Variants in WWOX observed in about 807,000 individuals in gnomAD.
WWOX encodes WW domain containing oxidoreductase, also known as WW domain-containing oxidoreductase.
In WWOX, 69 loss-of-function variants were observed where a neutral mutation model predicts 46.2. That is an observed-to-expected ratio of 1.49 (90% confidence interval 1.23 to 1.82). WWOX has a LOEUF of 1.82. WWOX is among the 40% of genes most tolerant of loss of function. WWOX has a pLI of 0.00. For missense variants in WWOX, 919 were observed against 542.6 expected (o/e 1.69, Z -6.89); for synonymous variants, 359 against 202.6 (o/e 1.77, Z -6.56).
intron 8 of WWOX, among the ~76,000 whole-genome samples, chr16:78,951,344 CA>C (rs11318852): frequency 0.99 from 150,016 of 152,252 alleles, 73,949 homozygotes; most frequent in East Asian, 1. Flanking sequence ...CCTATAGCTT[CA>C]AGCAAGAGTC....
intron 5 of WWOX, among the ~76,000 whole-genome samples, chr16:78,235,010 G>C (rs932196133): frequency 1.3e-5 from 2 of 151,604 alleles, no homozygotes; most frequent in Non-Finnish European, 2.9e-5. Context: ...GTAAAGAGGT[G>C]GGGGAGAGGA....
intron 8 of WWOX, among the ~76,000 whole-genome samples, chr16:79,015,943 A>G (rs149969129): frequency 9.2e-5 from 14 of 151,970 alleles, no homozygotes; most frequent in Non-Finnish European, 1.3e-4. Context: ...TAGAGACAGG[A>G]TTTCGCCATG....
chr16:78,859,893 G>C (rs1477520357), intron 8 of WWOX, among the ~76,000 whole-genome samples: 1 of 152,074 alleles, frequency 6.6e-6, no homozygotes, highest in Non-Finnish European at 1.5e-5. Flanking sequence ...TTATAAACAG[G>C]TGGTTTCCAA....
chr16:78,418,975 G>T (rs2082863102), intron 6 of WWOX, among the ~76,000 whole-genome samples: 1 of 151,338 alleles, frequency 6.6e-6, no homozygotes, highest in African/African-American at 2.4e-5. Context: ...CAAAAGAATG[G>T]AAAAAAAAGA....
At chr16:78,809,840 G>T (rs1200860796) in intron 8 of WWOX, among the ~76,000 whole-genome samples, 3 of 152,104 alleles carry the variant, frequency 2.0e-5, no homozygotes, top group Non-Finnish European at 4.4e-5. Context: ...GTTCCCAGGG[G>T]ATGATGACCC....
chr16:78,943,005 C>T (rs945153405), intron 8 of WWOX, among the ~76,000 whole-genome samples: 2 of 152,172 alleles, frequency 1.3e-5, no homozygotes, highest in African/African-American at 4.8e-5. Flanking sequence ...GAATGAAAGC[C>T]TGCCTTTCTG....
At chr16:78,730,748 C>A (rs987665095) in intron 8 of WWOX, among the ~76,000 whole-genome samples, 3 of 151,690 alleles carry the variant, frequency 2.0e-5, no homozygotes, top group African/African-American at 7.3e-5. Flanking sequence ...GTATAAACCA[C>A]CAACCCAGCC....
chr16:78,890,094 C>G (rs1435604625), intron 8 of WWOX: 2 of 152,034 alleles, frequency 1.3e-5, no homozygotes, highest in African/African-American at 4.8e-5. Flanking sequence ...TACACATACA[C>G]ACACATGTAC....
At chr16:78,251,825 A>C (rs1367534240) in intron 5 of WWOX, among the ~76,000 whole-genome samples, 4 of 152,232 alleles carry the variant, frequency 2.6e-5, no homozygotes, top group African/African-American at 9.6e-5. Flanking sequence ...AGTAAGGTTT[A>C]GTCAAGAAGT....
chr16:78,867,206 G>A (rs76510594), intron 8 of WWOX, among the ~76,000 whole-genome samples: 6 of 152,214 alleles, frequency 3.9e-5, no homozygotes, highest in African/African-American at 1.4e-4. Flanking sequence ...TGGCACACTG[G>A]TGAGTGGGGG....
chr16:78,768,322 G>A (rs1168020675), intron 8 of WWOX, among the ~76,000 whole-genome samples: 1 of 150,382 alleles, frequency 6.6e-6, no homozygotes. Context: ...TGGTGCAGTG[G>A]CTCATGCATG....
chr16:78,959,404 G>T (rs917504109), intron 8 of WWOX, among the ~76,000 whole-genome samples: 4 of 152,214 alleles, frequency 2.6e-5, no homozygotes, highest in Admixed American at 2.6e-4. Flanking sequence ...ACGTCCATTA[G>T]GGGACATAAA....
chr16:79,173,331 T>A (rs888813806), intron 8 of WWOX, among the ~76,000 whole-genome samples: 1 of 152,070 alleles, frequency 6.6e-6, no homozygotes, highest in African/African-American at 2.4e-5. Context: ...AAAAACACTT[T>A]GTATGTTTGG....
intron 5 of WWOX, among the ~76,000 whole-genome samples, chr16:78,279,125 G>C (rs561203624): frequency 6.6e-6 from 1 of 152,096 alleles, no homozygotes; most frequent in Admixed American, 6.5e-5. Flanking sequence ...CCTTCTTTTT[G>C]AATAAGTAGA....
chr16:78,702,075 A>T (rs571531491), intron 8 of WWOX, among the ~76,000 whole-genome samples: 1 of 107,142 alleles, frequency 9.3e-6, no homozygotes, highest in East Asian at 2.5e-4. Context: ...TATATATATA[A>T]AGTTTTATAT....
chr16:79,172,892 G>C (rs915433709), intron 8 of WWOX, among the ~76,000 whole-genome samples: 1 of 151,778 alleles, frequency 6.6e-6, no homozygotes, highest in African/African-American at 2.4e-5. Flanking sequence ...GTAGTGGTGT[G>C]CGCCTGTAGT....
intron 8 of WWOX, among the ~76,000 whole-genome samples, chr16:78,994,682 A>G (rs1474766701): frequency 6.6e-6 from 1 of 152,138 alleles, no homozygotes; most frequent in Non-Finnish European, 1.5e-5. Flanking sequence ...ACACTGTAAT[A>G]GACAGTGGGG....
intron 8 of WWOX, among the ~76,000 whole-genome samples, chr16:78,748,888 T>C (rs1165406514): frequency 6.6e-6 from 1 of 152,246 alleles, no homozygotes; most frequent in African/African-American, 2.4e-5. Flanking sequence ...TGAATTGATT[T>C]GCAAAGCAGC....
chr16:78,166,123 G>T (rs1244460886), intron 5 of WWOX, among the ~76,000 whole-genome samples: 1 of 151,878 alleles, frequency 6.6e-6, no homozygotes, highest in East Asian at 1.9e-4. Context: ...CCAGAAAAAG[G>T]TTATCTATAT....
Sources: allele counts gnomAD v4.1 joint callset (sites outside exome capture counted in the v4.1 genomes callset), GRCh38; gene constraint gnomAD v4.1.1; transcripts MANE v1.5; gene names NCBI Gene and HGNC (gene_info 2026-07-23, HGNC 2026-07-21).